The following GBF1 variants were observed in gnomAD, a reference collection of about 807,000 sequenced individuals.
The protein encoded by GBF1 is golgi brefeldin A resistant guanine nucleotide exchange factor 1.
Under a neutral mutation model 210.5 loss-of-function variants are expected in GBF1, and 114 were observed. The ratio of observed to expected loss-of-function variants is 0.54; its 90% CI spans 0.47 to 0.63. The LOEUF (loss-of-function observed/expected upper bound fraction) is 0.63. Ranked by LOEUF, GBF1 falls within the 30% of genes least tolerant of loss-of-function variation. The pLI, the probability that GBF1 is intolerant of heterozygous loss-of-function variation, is 0.00. For synonymous variants in GBF1, 850 were observed against 889.2 expected, an observed-to-expected ratio of 0.96 and a Z score of 0.78; for missense variants, 1,851 against 2,357.7, an observed-to-expected ratio of 0.79 and a Z score of 4.45.
chr10:102,298,267 C>G (rs1047377035), intron 3 of GBF1, among the ~76,000 whole-genome samples: 7 of 152,004 alleles, frequency 4.6e-5, no homozygotes, highest in African/African-American at 1.7e-4. Flanking sequence ...TTCTAGATGT[C>G]GACTAGTAAA....
chr10:102,262,112 T>A (rs953964010), intron 3 of GBF1, among the ~76,000 whole-genome samples: 1 of 152,338 alleles, frequency 6.6e-6, no homozygotes, highest in South Asian at 2.1e-4. Flanking sequence ...GTTGAACTTC[T>A]GACCTCAAGT....
intron 3 of GBF1, among the ~76,000 whole-genome samples, chr10:102,303,603 G>T (rs1334819372): frequency 6.6e-6 from 1 of 152,124 alleles, no homozygotes; most frequent in Non-Finnish European, 1.5e-5. Context: ...AACAGGTTAA[G>T]GATTACAGTG....
In GBF1 at chr10:102,380,327, G is replaced by T; in HGVS notation, c.4957G>T (p.Asp1653Tyr). The change falls in exon 37 of 40, where the codon GAC (aspartate) becomes TAC (tyrosine). Residue 1653 changes from aspartate (D) to tyrosine (Y), a missense_variant. Asp to Tyr is a radical substitution (Grantham distance 160). Transcript: ENST00000369983. ...ALWLTILDFM[D>Y]KYMHAGSSDL... is the part of the protein sequence containing the mutation. ...CTGGCTCACCATCTTGGACTTCATG[G>T]ACAAGTACATGCACGCAGGCTCCAG... 2.5e-6 allele frequency: 4 copies of T among 1,613,710 alleles called. No homozygotes were observed. Among genetic ancestry groups the T allele is most frequent in the Non-Finnish European group, 3.4e-6 (4 of 1,179,696 alleles).
chr10:102,289,899 C>T (rs753343746), intron 3 of GBF1, among the ~76,000 whole-genome samples: 1 of 152,110 alleles, frequency 6.6e-6, no homozygotes, highest in Non-Finnish European at 1.5e-5. Context: ...TGCTTGAGCA[C>T]AGGAGCTCAA....
chr10:102,290,375 T>TAAAAATACATTGAACC (rs2133637819), intron 3 of GBF1, among the ~76,000 whole-genome samples: 1 of 152,302 alleles, frequency 6.6e-6, no homozygotes, highest in East Asian at 1.9e-4. Flanking sequence ...AATGACATTA[T>TAAAAATACATTGAACC]AAAAATACAT....
intron 3 of GBF1, among the ~76,000 whole-genome samples, chr10:102,294,018 TC>T (rs1426735404): frequency 6.6e-6 from 1 of 151,642 alleles, no homozygotes; most frequent in Non-Finnish European, 1.5e-5. Flanking sequence ...GACCTCATGA[TC>T]CACCCGCCTC....
chr10:102,340,527 C>G (rs896167146), intron 3 of GBF1, among the ~76,000 whole-genome samples: 3 of 151,992 alleles, frequency 2.0e-5, no homozygotes, highest in African/African-American at 7.2e-5. Flanking sequence ...CCTGCCTCGG[C>G]CTCCCAAAGT....
intron 14 of GBF1, 73 bp downstream of exon 14, chr10:102,361,985 G>T: frequency 4.3e-6 from 3 of 694,964 alleles, no homozygotes; most frequent in Non-Finnish European, 6.7e-6. Flanking sequence ...TAGTGAGGAT[G>T]TTACATACAG....
intron 14 of GBF1, 69 bp downstream of exon 14, chr10:102,361,981 G>T: frequency 1.2e-6 from 1 of 828,472 alleles, no homozygotes. Context: ...GTGGTAGTGA[G>T]GATGTTACAT....
chr10:102,375,202 GAAA>G (rs374953670), intron 29 of GBF1, among the ~76,000 whole-genome samples, 154 bp from the exon 30 acceptor site: 1 of 126,376 alleles, frequency 7.9e-6, no homozygotes, highest in Non-Finnish European at 1.7e-5. Context: ...ATTTCTATTT[GAAA>G]AAAAAAAAAA....
Position 102,358,588 on chromosome 10 carries a change from A to G in GBF1, c.870A>G (p.Thr290=), listed in dbSNP as rs1055008640. ...CCTCAGCAGTGGTCAGTCCCTCTAC[A>G]GACAGTGGCCTGGAATTCTCCTCCC... ...EAASAVVSPS[T]DSGLEFSSQT... The change falls in exon 10 of 40, where the codon ACA becomes ACG. Residue 290 remains threonine (T), a synonymous_variant. Transcript: ENST00000369983. 9.9e-6 allele frequency: 16 copies of G among 1,613,922 alleles called. No homozygotes were observed. Among genetic ancestry groups the G allele is most frequent in the Non-Finnish European group, 1.4e-5 (16 of 1,179,766 alleles).
the GBF1 span, among the ~76,000 whole-genome samples, chr10:102,233,287 CTT>C: frequency 1.7e-4 from 23 of 132,182 alleles, no homozygotes; most frequent in South Asian, 1.6e-3. Flanking sequence ...CGACTTCTTT[CTT>C]TTTTTTTTTT....
intron 29 of GBF1, among the ~76,000 whole-genome samples, chr10:102,373,123 G>A (rs1429370314): frequency 6.6e-6 from 1 of 152,028 alleles, no homozygotes; most frequent in Admixed American, 6.6e-5. Context: ...TTTGAAGAAA[G>A]GTATCTGTAA....
chr10:102,235,107 C>G, the GBF1 span, among the ~76,000 whole-genome samples: 3 of 152,090 alleles, frequency 2.0e-5, no homozygotes, highest in African/African-American at 7.3e-5. Flanking sequence ...GTCACACAGT[C>G]TCCTCTCTGT....
intron 3 of GBF1, among the ~76,000 whole-genome samples, chr10:102,335,982 A>G (rs978989880): frequency 5.3e-5 from 8 of 152,040 alleles, no homozygotes; most frequent in African/African-American, 1.7e-4. Flanking sequence ...TAGAATTTTT[A>G]TATATATATT....
At chr10:102,379,991 T>C (rs377528924) in intron 36 of GBF1, 37 bp downstream of exon 36, 96 of 1,377,930 alleles carry the variant, frequency 7.0e-5, no homozygotes, top group Non-Finnish European at 9.2e-5. Context: ...CTCTCTCCCA[T>C]ACCTGCCTTT....
chr10:102,261,168 GCT>G (rs1390887727), intron 3 of GBF1, among the ~76,000 whole-genome samples: 38 of 152,176 alleles, frequency 2.5e-4, no homozygotes, highest in Admixed American at 1.4e-3. Context: ...CTGGTTTAGG[GCT>G]CTTTGCTCTA....
At chr10:102,277,450 C>T (rs986905179) in intron 3 of GBF1, among the ~76,000 whole-genome samples, 10 of 148,758 alleles carry the variant, frequency 6.7e-5, no homozygotes, top group Middle Eastern at 3.2e-3. Context: ...AGTGCAATAG[C>T]GTGATCTCGG....
intron 3 of GBF1, among the ~76,000 whole-genome samples, chr10:102,316,341 C>G (rs576731091): frequency 3.3e-5 from 5 of 152,286 alleles, no homozygotes; most frequent in Non-Finnish European, 7.4e-5. Context: ...CCCGCCTTAG[C>G]CTCCCAAAGC....
Sources: gnomAD v4.1 joint callset for allele counts (sites outside exome capture counted in the v4.1 genomes callset) on GRCh38, gnomAD v4.1.1 for gene constraint, MANE v1.5 for transcripts, NCBI Gene and HGNC (gene_info 2026-07-23, HGNC 2026-07-21) for gene names.